ARHGAP15: variants seen among roughly 807,000 people sequenced by gnomAD.
ARHGAP15 encodes rho GTPase-activating protein 15.
ARHGAP15 carries 51 observed loss-of-function variants against 63.7 expected under a neutral mutation model. The observed-to-expected ratio is 0.80, with a 90% CI of 0.64 to 1.01. The LOEUF (loss-of-function observed/expected upper bound fraction) is 1.01, where lower values mean the gene tolerates loss of function less well. ARHGAP15 is among the 50% of genes least tolerant of loss of function. The probability of loss-of-function intolerance (pLI) is 0.00; values close to 1 mark genes in which losing one functional copy is unlikely to be tolerated. For missense variants in ARHGAP15, 560 were observed against 564.6 expected, an observed-to-expected ratio of 0.99 and a Z score of 0.08; for synonymous variants, 191 against 193.8, an observed-to-expected ratio of 0.99 and a Z score of 0.12.
At chr2:143,211,523 G>A (rs1487390134) in intron 3 of ARHGAP15, among the ~76,000 whole-genome samples, 3 of 152,050 alleles carry the variant, frequency 2.0e-5, no homozygotes, top group African/African-American at 2.4e-5. Flanking sequence ...CAGCTGCCTC[G>A]TTATTAAATA....
At chr2:143,334,731 C>G (rs1239119875) in intron 6 of ARHGAP15, among the ~76,000 whole-genome samples, 1 of 152,128 alleles carries the variant, frequency 6.6e-6, no homozygotes, top group Non-Finnish European at 1.5e-5. Flanking sequence ...AAAGAAGCAT[C>G]TAAAATATTT....
At chr2:143,531,429 T>A (rs1559031669) in intron 10 of ARHGAP15, among the ~76,000 whole-genome samples, 1 of 152,322 alleles carries the variant, frequency 6.6e-6, no homozygotes, top group East Asian at 1.9e-4. Flanking sequence ...TCTCTGTCCT[T>A]AACTTGATTA....
intron 13 of ARHGAP15, among the ~76,000 whole-genome samples, chr2:143,754,133 ATGT>A (rs143740576): frequency 0.013 from 1,924 of 152,202 alleles, 28 homozygotes; most frequent in African/African-American, 0.044. Flanking sequence ...TTTTCTGGTG[ATGT>A]TGTTAGTTCT....
intron 5 of ARHGAP15, chr2:143,235,928 T>A: frequency 6.5e-7 from 1 of 1,544,796 alleles, no homozygotes; most frequent in Non-Finnish European, 8.7e-7. Context: ...AAGTACCTGC[T>A]GTACTTTGTG....
rs142074974 is a variant in ARHGAP15 at position 143,305,157 on chromosome 2, A to T, written c.474+54557A>T. Among the ~76,000 whole-genome samples the T allele has an allele frequency of 7.6e-3, 1,151 of 152,190 alleles. 9 individuals carry two copies. Among genetic ancestry groups the T allele is most frequent in the African/African-American group, 0.027 (1,117 of 41,532 alleles). ...GAATACTATGCAGCCTTAGGAAAGG[A>T]TGAGTTCATGTCCTTTTCAGGGACA... On this transcript the variant is annotated intron_variant, in intron 6 of 13. Coordinates refer to ENST00000295095, the MANE Select transcript of ARHGAP15 (RefSeq NM_018460.4).
intron 2 of ARHGAP15, among the ~76,000 whole-genome samples, chr2:143,157,497 T>TA: frequency 6.6e-6 from 1 of 151,998 alleles, no homozygotes; most frequent in East Asian, 1.9e-4. Context: ...TAGCTATAAT[T>TA]ATCCCAGCTT....
intron 6 of ARHGAP15, among the ~76,000 whole-genome samples, chr2:143,406,526 A>G (rs1433622463): frequency 6.6e-6 from 1 of 151,772 alleles, no homozygotes; most frequent in South Asian, 2.1e-4. Flanking sequence ...TTAAATCCCC[A>G]TGTTCCTACT....
chr2:143,667,470 A>G (rs1218742007), intron 12 of ARHGAP15, among the ~76,000 whole-genome samples: 1 of 148,792 alleles, frequency 6.7e-6, no homozygotes, highest in Non-Finnish European at 1.5e-5. Context: ...ACCTAATGCT[A>G]GATGACGAGT....
chr2:143,638,682 A>T (rs1404639432), intron 12 of ARHGAP15, among the ~76,000 whole-genome samples: 3 of 111,098 alleles, frequency 2.7e-5, no homozygotes, highest in Non-Finnish European at 1.7e-5. Flanking sequence ...AAGAAAAAAA[A>T]ATATTAAAAA....
chr2:143,429,673 G>A (rs1461271782), intron 6 of ARHGAP15, among the ~76,000 whole-genome samples: 1 of 152,044 alleles, frequency 6.6e-6, no homozygotes, highest in Non-Finnish European at 1.5e-5. Flanking sequence ...AACATAGGGG[G>A]AGTTGTGGAA....
At chr2:143,643,140 T>C (rs1159611101) in intron 12 of ARHGAP15, among the ~76,000 whole-genome samples, 1 of 152,020 alleles carries the variant, frequency 6.6e-6, no homozygotes. Context: ...AGAAAGGTAG[T>C]GGAAAGCAGA....
intron 6 of ARHGAP15, among the ~76,000 whole-genome samples, chr2:143,419,911 A>G (rs917565870): frequency 1.3e-5 from 2 of 152,126 alleles, no homozygotes; most frequent in Non-Finnish European, 2.9e-5. Context: ...TGTATAGAAA[A>G]ATATCATCCT....
chr2:143,512,930 C>T (rs1230730786), intron 9 of ARHGAP15, among the ~76,000 whole-genome samples: 2 of 152,242 alleles, frequency 1.3e-5, no homozygotes, highest in African/African-American at 4.8e-5. Flanking sequence ...GAGTTCTCAT[C>T]CCTAGAAACA....
chr2:143,398,295 C>T (rs1259208239), intron 6 of ARHGAP15, among the ~76,000 whole-genome samples: 1 of 152,106 alleles, frequency 6.6e-6, no homozygotes, highest in East Asian at 1.9e-4. Context: ...AATTTTGTAT[C>T]CTCTACCATT....
chr2:143,190,337 C>T (rs1691631289), intron 2 of ARHGAP15, among the ~76,000 whole-genome samples: 1 of 152,176 alleles, frequency 6.6e-6, no homozygotes, highest in Non-Finnish European at 1.5e-5. Flanking sequence ...GCTGACTTTT[C>T]ATTGCGGATA....
Position 143,606,059 on chromosome 2 carries a change from AAAAAAAAAAAAGC to A in ARHGAP15, c.1004-18073_1004-18061del, listed in dbSNP as rs1372820313. On this transcript the variant is annotated intron_variant, in intron 11 of 13. Coordinates refer to ENST00000295095, the MANE Select transcript of ARHGAP15 (RefSeq NM_018460.4). ...TCAAAAAAAAAAAAAAAAAAAAAAA[AAAAAAAAAAAAGC>A]CATACATCTGTCTCTTTCGCTACCT... Among the ~76,000 whole-genome samples, 3 of 115,102 alleles carry A rather than the reference AAAAAAAAAAAAGC, an allele frequency of 2.6e-5. No homozygotes were observed. In the East Asian group the frequency reaches 8.5e-4, roughly 33 times the overall value. The allele number at this position is 115,102 out of a possible 152,430, so 75.5% of individuals were successfully genotyped here. A position where few individuals can be genotyped will look rare whatever the true frequency, so the allele number is the denominator to read the frequency against.
At chr2:143,257,768 T>C (rs1416014677) in intron 6 of ARHGAP15, among the ~76,000 whole-genome samples, 1 of 152,078 alleles carries the variant, frequency 6.6e-6, no homozygotes, top group African/African-American at 2.4e-5. Context: ...AACCTGAGAC[T>C]TGACACGATG....
At chr2:143,626,186 T>C (rs1202142284) in intron 12 of ARHGAP15, among the ~76,000 whole-genome samples, 1 of 152,132 alleles carries the variant, frequency 6.6e-6, no homozygotes, top group Non-Finnish European at 1.5e-5. Flanking sequence ...CCAACACCTA[T>C]AAAATGGGTT....
chr2:143,671,483 C>T (rs777213755), intron 12 of ARHGAP15, among the ~76,000 whole-genome samples: 86 of 152,102 alleles, frequency 5.7e-4, no homozygotes, highest in Non-Finnish European at 9.0e-4. Context: ...AGAACTTCAT[C>T]TTTATGGACA....
Sources: gnomAD v4.1 joint callset for allele counts (sites outside exome capture counted in the v4.1 genomes callset) on GRCh38, gnomAD v4.1.1 for gene constraint, MANE v1.5 for transcripts, NCBI Gene and HGNC (gene_info 2026-07-23, HGNC 2026-07-21) for gene names.